TRMT10C: variants seen among roughly 807,000 people sequenced by gnomAD.
The protein encoded by TRMT10C is tRNA methyltransferase 10 homolog C.
Under a neutral mutation model 27.4 loss-of-function variants are expected in TRMT10C, and 14 were observed. The observed-to-expected ratio is 0.51, with a 90% CI of 0.34 to 0.80. The LOEUF (loss-of-function observed/expected upper bound fraction) is 0.80, where lower values mean the gene tolerates loss of function less well. Among genes scored for constraint, TRMT10C ranks in the 30% least tolerant of loss-of-function variants. The pLI is 0.02. For missense variants in TRMT10C, 438 were observed against 464.8 expected, an observed-to-expected ratio of 0.94 and a Z score of 0.53; for synonymous variants, 143 against 155.9, an observed-to-expected ratio of 0.92 and a Z score of 0.62.
chr3:101,565,510 T>G lies in TRMT10C; in HGVS notation c.729T>G (p.Ile243Met). ...GAAGAAATGTTGATCCTTTCCATAT[T>G]TATTTCTGCAATCTAAAAATAGATG... The part of the protein sequence containing the change: ...WNRRNVDPFH[I>M]YFCNLKIDGA... Residue 243 changes from isoleucine (I) to methionine (M), a missense_variant, in exon 2 of 2, where the codon ATT (isoleucine) becomes ATG (methionine). Around this residue, in one of 3 missense-constraint regions of TRMT10C, gnomAD observed 350 missense variants for 370.5 expected, o/e 0.94. Transcript: ENST00000309922. 6.2e-7 allele frequency: 1 copy of G among 1,613,476 alleles called. No individual in the cohort carries two copies. The highest frequency in any genetic ancestry group is 8.5e-7 in the Non-Finnish European group (1 of 1,179,612).
chr3:101,565,184 T>C lies in TRMT10C; in HGVS notation c.403T>C (p.Tyr135His). The C allele has an allele frequency of 6.4e-7, 1 of 1,553,598 alleles. No homozygotes were observed. The highest frequency in any genetic ancestry group is 8.7e-7 in the Non-Finnish European group (1 of 1,154,744). The change falls in exon 2 of 2, where the codon TAT becomes CAT. Residue 135 changes from tyrosine (Y) to histidine (H), a missense_variant. Physicochemically the swap from Tyr to His is moderately conservative, Grantham distance 83 (BLOSUM62 2). This residue lies in a region of TRMT10C where 350 missense variants were observed against 370.5 expected (regional missense o/e 0.94). Transcript: ENST00000309922. ...CACAGCAAAAAAAAAATATTTAAAA[T>C]ATTTATATACGAAGGAAAAAGTGAA... Reference protein sequence around the residue: ...SNTAKKKYLKYLYTKEKVKKA... With the variant: ...SNTAKKKYLKHLYTKEKVKKA...
chr3:101,565,310 T>C lies in TRMT10C; in HGVS notation c.529T>C (p.Phe177Leu), dbSNP rs1934491900. 1.9e-6 allele frequency: 3 copies of C among 1,613,420 alleles called. No homozygotes were observed. The highest frequency in any genetic ancestry group is 1.1e-5 in the South Asian group (1 of 90,926). ...CACTGAGGAAGATAAACAGAAAAAC[T>C]TTCTATTTTTACGACTTTGGGATAG... ...ETTEEDKQKN[F>L]LFLRLWDRNM... is the part of the protein sequence containing the mutation. Residue 177 changes from phenylalanine to leucine, a missense_variant, in exon 2 of 2, where the codon TTT becomes CTT. Transcript: ENST00000309922.
At chr3:101,564,668 A>C in intron 1 of TRMT10C, 102 bp from the exon 2 acceptor site, 1 of 1,223,670 alleles carries the variant, frequency 8.2e-7, no homozygotes, top group Non-Finnish European at 1.1e-6. Context: ...GTGTTTCAAA[A>C]ATTGATTTTA....
In TRMT10C at chr3:101,565,191, A is replaced by G. The variant is rs770338222; in HGVS notation, c.410A>G (p.Tyr137Cys). 1.1e-5 allele frequency: 17 copies of G among 1,574,990 alleles called. No homozygotes were observed. The East Asian group carries it at 3.7e-4, about 34-fold the overall frequency. The change falls in exon 2 of 2, where the codon TAT becomes TGT. Residue 137 changes from tyrosine to cysteine, a missense_variant. Coordinates refer to ENST00000309922, the MANE Select transcript of TRMT10C (RefSeq NM_017819.4). Reference sequence around the variant, plus strand: ...AAAAAAAAATATTTAAAATATTTATATACGAAGGAAAAAGTGAAAAAAGCT... The same window carrying G: ...AAAAAAAAATATTTAAAATATTTATGTACGAAGGAAAAAGTGAAAAAAGCT... The part of the protein sequence containing the change: ...TAKKKYLKYL[Y>C]TKEKVKKARQ...
Position 101,565,175 on chromosome 3 carries a change from T to A in TRMT10C, c.394T>A (p.Tyr132Asn). ...TGTTTCTAACACAGCAAAAAAAAAA[T>A]ATTTAAAATATTTATATACGAAGGA... ...ECVSNTAKKK[Y>N]LKYLYTKEKV... Residue 132 changes from tyrosine to asparagine, a missense_variant, in exon 2 of 2, where the codon TAT becomes AAT. Transcript: ENST00000309922. The A allele has an allele frequency of 2.6e-6, 4 of 1,543,260 alleles. No homozygotes were observed. Among genetic ancestry groups the A allele is most frequent in the Non-Finnish European group, 3.5e-6 (4 of 1,149,664 alleles).
intron 1 of TRMT10C, among the ~76,000 whole-genome samples, chr3:101,562,643 G>A (rs1051976059): frequency 1.3e-5 from 2 of 151,000 alleles, no homozygotes; most frequent in Non-Finnish European, 3.0e-5. Context: ...GCGAGACTCC[G>A]TCTCAAAAAA....
rs116736001 is a variant in TRMT10C at position 101,562,375 on chromosome 3, C to T, written c.-13+372C>T. The stretch of plus-strand genomic sequence containing the variant: ...TTTTCTCTTTAAAGGGAGGCTGAGC[C>T]GGGCGCGGTGGCTCACGCCTGTAAT... On this transcript the variant is annotated intron_variant, in intron 1 of 1. Transcript: ENST00000309922. Among the ~76,000 whole-genome samples the T allele has an allele frequency of 8.7e-3, 1,319 of 152,204 alleles. 18 individuals are homozygous for T. Among genetic ancestry groups the T allele is most frequent in the African/African-American group, 0.031 (1,267 of 41,512 alleles).
In TRMT10C at chr3:101,561,970, T is replaced by A. The variant is rs899696748; in HGVS notation, c.-46T>A. On this transcript the variant is annotated 5_prime_UTR_variant, in exon 1 of 2. Transcript: ENST00000309922. ...TTCGTCCTCCAGGGTCCCTGTTCTT[T>A]GCGCCAGCGGGAACCACTATCTCTG... is the stretch of plus-strand genomic sequence containing the variant. The A allele has an allele frequency of 6.5e-6, 1 of 153,148 alleles. No homozygotes were observed. The highest frequency in any genetic ancestry group is 2.4e-5 in the African/African-American group (1 of 41,446). The allele number at this position is 153,148 out of a possible 1,614,324, so 9.5% of individuals were successfully genotyped here. A position where few individuals can be genotyped will look rare whatever the true frequency, so the allele number is the denominator to read the frequency against.
chr3:101,565,431 G>A lies in TRMT10C; in HGVS notation c.650G>A (p.Arg217Gln), dbSNP rs780269864. ...ATGGCTTACGAAAATTATATGAAAC[G>A]AAAAGAATTGCAGAATACTGTTTCC... ...FDMAYENYMK[R>Q]KELQNTVSQL... The change falls in exon 2 of 2, where the codon CGA (arginine) becomes CAA (glutamine). Residue 217 changes from arginine (R) to glutamine (Q), a missense_variant. By Grantham distance (43) the Arg-to-Gln change is conservative. Around this residue, in one of 3 missense-constraint regions of TRMT10C, gnomAD observed 350 missense variants for 370.5 expected, o/e 0.94. Transcript: ENST00000309922. The A allele has an allele frequency of 1.3e-5, 21 of 1,613,984 alleles. No individual in the cohort carries two copies. Among genetic ancestry groups the A allele is most frequent in the Middle Eastern group, 1.6e-4 (1 of 6,084 alleles).
At position 101,564,839 on chromosome 3, in the gene TRMT10C, T is replaced by G; in HGVS notation, c.58T>G (p.Phe20Val). ...SVNFFRPFTRFLVPFTLHRKR... is the reference protein window; with the variant it reads ...SVNFFRPFTRVLVPFTLHRKR... Reference sequence around the variant, plus strand: ...CAATTTCTTCAGACCTTTCACCAGGTTTTTGGTGCCATTTACCCTTCATAG... The same window carrying G: ...CAATTTCTTCAGACCTTTCACCAGGGTTTTGGTGCCATTTACCCTTCATAG... The change falls in exon 2 of 2, where the codon TTT becomes GTT. Residue 20 changes from phenylalanine to valine, a missense_variant. Physicochemically the swap from Phe to Val is conservative, Grantham distance 50 (BLOSUM62 -1). Transcript: ENST00000309922. The G allele has an allele frequency of 6.2e-7, 1 of 1,611,478 alleles. No homozygotes were observed. Among genetic ancestry groups the G allele is most frequent in the Non-Finnish European group, 8.5e-7 (1 of 1,178,264 alleles).
chr3:101,566,007 G>C lies in TRMT10C; in HGVS notation c.*14G>C. On this transcript the variant is annotated 3_prime_UTR_variant, in exon 2 of 2. Transcript: ENST00000309922. ...GCAAAGACTTAATTCATTTTCAAAA[G>C]GTTCTCTGAATGTGCACAGAACACG... 1 of 1,575,584 alleles carries C rather than the reference G, an allele frequency of 6.3e-7. No homozygotes were observed. Among genetic ancestry groups the C allele is most frequent in the Non-Finnish European group, 8.6e-7 (1 of 1,162,626 alleles).
rs778661497 is a variant in TRMT10C, at chr3:101,565,141, T to C, written c.360T>C (p.Leu120=). The change falls in exon 2 of 2, where the codon CTT becomes CTC. Residue 120 remains leucine, a synonymous_variant. Coordinates refer to ENST00000309922, the MANE Select transcript of TRMT10C (RefSeq NM_017819.4). ...TCACTGAAGAAGAGCTCAAAACCCT[T>C]ATGGAATGTGTTTCTAACACAGCAA... is the stretch of plus-strand genomic sequence containing the variant. ...EHITEEELKT[L]MECVSNTAKK... The C allele has an allele frequency of 6.2e-7, 1 of 1,609,370 alleles. No homozygotes were observed. Among genetic ancestry groups the C allele is most frequent in the South Asian group, 1.1e-5 (1 of 90,104 alleles).
At chr3:101,562,866 TTAC>T (rs1934445345) in intron 1 of TRMT10C, among the ~76,000 whole-genome samples, 1 of 151,982 alleles carries the variant, frequency 6.6e-6, no homozygotes, top group African/African-American at 2.4e-5. Context: ...AACCAGGCAA[TTAC>T]AGTGCAGTGT....
In TRMT10C at chr3:101,565,204, A is replaced by G. The variant is rs762021092; in HGVS notation, c.423A>G (p.Lys141=). The part of the protein sequence containing the change: ...KYLKYLYTKE[K]VKKARQIKKE... ...TAAAATATTTATATACGAAGGAAAAAGTGAAAAAAGCTAGGCAAATAAAAA... is the reference window on the plus strand; with the variant it reads ...TAAAATATTTATATACGAAGGAAAAGGTGAAAAAAGCTAGGCAAATAAAAA... The change falls in exon 2 of 2, where the codon AAA becomes AAG. Residue 141 remains lysine, a synonymous_variant. Transcript: ENST00000309922. 1 of 1,581,872 alleles carries G rather than the reference A, an allele frequency of 6.3e-7. No homozygotes were observed.
rs1040819965 is a variant in TRMT10C at position 101,566,148 on chromosome 3, A to G, written c.*155A>G. 3.6e-6 allele frequency: 3 copies of G among 838,018 alleles called. No individual in the cohort carries two copies. The highest frequency in any genetic ancestry group is 2.1e-5 in the South Asian group (1 of 48,290). 51.9% of individuals were successfully genotyped at this position (838,018 alleles called of 1,614,324 possible). ...TCTCTTCTAAAGGTAGTCTTTCCCA[A>G]CTGACTGTAGGGTTGTGTCTTTTCC... On this transcript the variant is annotated 3_prime_UTR_variant, in exon 2 of 2. Coordinates refer to ENST00000309922, the MANE Select transcript of TRMT10C (RefSeq NM_017819.4).
In TRMT10C at chr3:101,565,770, AC is replaced by A. The variant is rs1934503961; in HGVS notation, c.991del (p.Leu331TrpfsTer8). The A allele has an allele frequency of 1.9e-6, 3 of 1,614,076 alleles. No individual in the cohort carries two copies. The highest frequency in any genetic ancestry group is 2.5e-6 in the Non-Finnish European group (3 of 1,180,018). On this transcript the variant is annotated frameshift_variant, in exon 2 of 2. Transcript: ENST00000309922. LOFTEE classifies it high-confidence loss of function. ...TCCCTAGCCAAGGCAAAACGGCTGA[AC>A]CTGGCAACTGAATGCCTTCCATTAG... ...GTSLAKAKRLNLATECLPLDK... is the reference protein window; with the variant it reads ...GTSLAKAKRLXLATECLPLDK...
rs1160664736 is a variant in TRMT10C at position 101,565,096 on chromosome 3, C to T, written c.315C>T (p.Gly105=). The T allele has an allele frequency of 1.2e-6, 2 of 1,613,594 alleles. No individual in the cohort carries two copies. The highest frequency in any genetic ancestry group is 1.7e-6 in the Non-Finnish European group (2 of 1,179,960). The change falls in exon 2 of 2, where the codon GGC becomes GGT. Residue 105 remains glycine, a synonymous_variant. Transcript: ENST00000309922. The part of the protein sequence containing the change: ...REFIEMWRLL[G]REVPEHITEE... ...TCATTGAGATGTGGAGATTGCTTGG[C>T]AGAGAAGTACCAGAACACATCACTG...
chr3:101,566,371 GC>G lies in TRMT10C; in HGVS notation c.*379del. On this transcript the variant is annotated 3_prime_UTR_variant, in exon 2 of 2. Transcript: ENST00000309922. ...GAAGCTCTGCACCCCTTCCCCCATAGCTTTCCCCGTGCATCTCTTTGTCTGT... is the reference window on the plus strand; with the variant it reads ...GAAGCTCTGCACCCCTTCCCCCATAGTTTCCCCGTGCATCTCTTTGTCTGT... 5.9e-6 allele frequency: 1 copy of G among 170,622 alleles called. No homozygotes were observed. Among genetic ancestry groups the G allele is most frequent in the African/African-American group, 2.4e-5 (1 of 41,968 alleles). The allele number at this position is 170,622 out of a possible 1,614,324, so 10.6% of individuals were successfully genotyped here.
chr3:101,563,212 T>C (rs1315961377), intron 1 of TRMT10C, among the ~76,000 whole-genome samples: 1 of 152,194 alleles, frequency 6.6e-6, no homozygotes, highest in Non-Finnish European at 1.5e-5. Flanking sequence ...GCCCCCCTTA[T>C]TCAAGCGATT....
Sources: gnomAD v4.1 joint callset for allele counts (sites outside exome capture counted in the v4.1 genomes callset) on GRCh38, gnomAD v4.1.1 for gene constraint, gnomAD v4.1.1 regional missense constraint, MANE v1.5 for transcripts, NCBI Gene and HGNC (gene_info 2026-07-23, HGNC 2026-07-21) for gene names.